GPALPP1: variants seen among roughly 807,000 people sequenced by gnomAD.
GPALPP1 encodes the protein GPALPP motifs-containing protein 1.
In GPALPP1, 30 loss-of-function variants were observed where a neutral mutation model predicts 38.9. That is an observed-to-expected ratio of 0.77 (90% CI 0.58 to 1.05). GPALPP1 has a LOEUF of 1.05. Ranked by LOEUF, GPALPP1 falls within the 50% of genes least tolerant of loss-of-function variation. GPALPP1 has a pLI of 0.00. For missense variants in GPALPP1, 384 were observed against 408.8 expected, an observed-to-expected ratio of 0.94 and a Z score of 0.52; for synonymous variants, 120 against 139.2, an observed-to-expected ratio of 0.86 and a Z score of 0.97.
intron 3 of GPALPP1, among the ~76,000 whole-genome samples, chr13:45,007,080 A>G (rs1281085081): frequency 6.6e-6 from 1 of 152,048 alleles, no homozygotes; most frequent in African/African-American, 2.4e-5. Flanking sequence ...TCAGATATAC[A>G]GGGATAGGCA....
At chr13:45,006,931 T>C (rs1406631681) in intron 3 of GPALPP1, among the ~76,000 whole-genome samples, 1 of 151,964 alleles carries the variant, frequency 6.6e-6, no homozygotes, top group Non-Finnish European at 1.5e-5. Flanking sequence ...ATGCCAAATA[T>C]AAGATCGCAC....
chr13:45,004,994 T>C (rs181233032), intron 2 of GPALPP1: 52 of 151,570 alleles, frequency 3.4e-4, no homozygotes, highest in African/African-American at 1.1e-3. Flanking sequence ...TAAGATGTCA[T>C]TGAAGTGCCA....
intron 4 of GPALPP1, among the ~76,000 whole-genome samples, chr13:45,010,565 T>C (rs773089360): frequency 3.9e-5 from 6 of 152,224 alleles, no homozygotes; most frequent in Non-Finnish European, 7.3e-5. Flanking sequence ...ACACAGTGCC[T>C]GCCCTCATCA....
At chr13:45,019,058 TATACATATAA>T (rs1566082084) in intron 6 of GPALPP1, among the ~76,000 whole-genome samples, 3 of 26,058 alleles carry the variant, frequency 1.2e-4, no homozygotes, top group Non-Finnish European at 3.6e-4. Context: ...AATATAAATA[TATACATATAA>T]ATATATACAT....
intron 1 of GPALPP1, among the ~76,000 whole-genome samples, chr13:44,994,702 T>G (rs184026149): frequency 6.6e-6 from 1 of 152,216 alleles, no homozygotes; most frequent in Non-Finnish European, 1.5e-5. Flanking sequence ...AGTCACACAG[T>G]TTTCCAAAAT....
rs1875325206 is a variant in GPALPP1, at chr13:45,020,358, G to T, written c.734G>T (p.Ser245Ile). Residue 245 changes from serine to isoleucine, a missense_variant, in exon 7 of 8, where the codon AGT becomes ATT. By Grantham distance (142) the Ser-to-Ile change is moderately radical. Transcript: ENST00000379151. Reference protein sequence around the residue: ...KETQEARKSSSKKDEEHILSG... With the variant: ...KETQEARKSSIKKDEEHILSG... ...ACACAAGAAGCAAGGAAGTCATCCA[G>T]TAAGAAAGATGAAGAACATATATTA... 6.6e-7 allele frequency: 1 copy of T among 1,521,592 alleles called. No individual in the cohort carries two copies. Among genetic ancestry groups the T allele is most frequent in the Non-Finnish European group, 9.1e-7 (1 of 1,097,026 alleles). 94.3% of individuals were successfully genotyped at this position (1,521,592 alleles called of 1,614,324 possible). A position where few individuals can be genotyped will look rare whatever the true frequency, so the allele number is the denominator to read the frequency against.
chr13:45,020,403 T>C lies in GPALPP1; in HGVS notation c.779T>C (p.Leu260Pro). ...ATATTATCAGGAAGAGATAAGAGAC[T>C]GGCTGAGCAGGTATCTTCATACAAT... Reference protein sequence around the residue: ...EHILSGRDKRLAEQVSSYNES... With the variant: ...EHILSGRDKRPAEQVSSYNES... The change falls in exon 7 of 8, where the codon CTG (leucine) becomes CCG (proline). Residue 260 changes from leucine (L) to proline (P), a missense_variant. Physicochemically the swap from Leu to Pro is moderately conservative, Grantham distance 98. Coordinates refer to ENST00000379151, the MANE Select transcript of GPALPP1 (RefSeq NM_018559.5). 3.4e-6 allele frequency: 5 copies of C among 1,456,706 alleles called. No individual in the cohort carries two copies. Among genetic ancestry groups the C allele is most frequent in the Non-Finnish European group, 3.9e-6 (4 of 1,037,340 alleles). 90.2% of individuals were successfully genotyped at this position (1,456,706 alleles called of 1,614,324 possible).
At chr13:45,021,782 G>A (rs187837508) in intron 7 of GPALPP1, among the ~76,000 whole-genome samples, 7 of 152,224 alleles carry the variant, frequency 4.6e-5, no homozygotes, top group Non-Finnish European at 8.8e-5. Context: ...CATATGAAGC[G>A]GTATTTAGAG....
intron 1 of GPALPP1, among the ~76,000 whole-genome samples, chr13:44,995,202 A>ACACACACACACACACACACC (rs755761092): frequency 7.0e-4 from 38 of 54,560 alleles, no homozygotes; most frequent in East Asian, 2.2e-3. Context: ...ACACACACAC[A>ACACACACACACACACACACC]CCCCTTCTCT....
At chr13:45,020,199 G>A in intron 6 of GPALPP1, 131 bp from the exon 7 acceptor site, 1 of 517,828 alleles carries the variant, frequency 1.9e-6, no homozygotes, top group South Asian at 2.4e-5. Context: ...TAATATTTCT[G>A]ATCAGAAGGG....
chr13:45,026,613 T>A (rs531505852), intron 7 of GPALPP1, among the ~76,000 whole-genome samples: 1 of 152,340 alleles, frequency 6.6e-6, no homozygotes, highest in Admixed American at 6.5e-5. Flanking sequence ...AGTACATTCT[T>A]TGGCAGTAGG....
chr13:45,013,164 C>T (rs991401144), intron 4 of GPALPP1, among the ~76,000 whole-genome samples: 6 of 152,186 alleles, frequency 3.9e-5, no homozygotes, highest in African/African-American at 9.7e-5. Flanking sequence ...TTAATTCCTT[C>T]GCCTCGTGAT....
intron 1 of GPALPP1, among the ~76,000 whole-genome samples, chr13:44,997,348 A>G (rs555510311): frequency 6.6e-6 from 1 of 152,282 alleles, no homozygotes; most frequent in East Asian, 1.9e-4. Flanking sequence ...TGACTGCTGG[A>G]AAATGTCCCC....
At chr13:45,013,055 G>A (rs955373701) in intron 4 of GPALPP1, among the ~76,000 whole-genome samples, 13 of 152,088 alleles carry the variant, frequency 8.5e-5, no homozygotes, top group African/African-American at 3.1e-4. Context: ...TAGCAAATGG[G>A]TTAATTTACT....
intron 6 of GPALPP1, among the ~76,000 whole-genome samples, chr13:45,018,939 A>G (rs1398062539): frequency 1.5e-5 from 2 of 136,304 alleles, no homozygotes; most frequent in Admixed American, 7.3e-5. Context: ...AAATATATAC[A>G]TATAAATATA....
Position 45,014,934 on chromosome 13 carries a change from A to G in GPALPP1, c.409-18A>G. On this transcript the variant is annotated intron_variant, in intron 4 of 7. Transcript: ENST00000379151. ...GTAGCTCTGCTCTTGGTTTAAAGGT[A>G]ATGTCTTGTTTTAAAAGGAAACAGA... 1 of 1,561,210 alleles carries G rather than the reference A, an allele frequency of 6.4e-7. No homozygotes were observed. Among genetic ancestry groups the G allele is most frequent in the Non-Finnish European group, 8.7e-7 (1 of 1,154,086 alleles).
intron 6 of GPALPP1, among the ~76,000 whole-genome samples, chr13:45,019,799 T>A (rs1272267554): frequency 6.7e-6 from 1 of 149,222 alleles, no homozygotes; most frequent in Non-Finnish European, 1.5e-5. Context: ...TTGAGTGGAG[T>A]GGGTTTTTTT....
At chr13:44,989,798 G>T in intron 1 of GPALPP1, 56 bp downstream of exon 1, 4 of 1,354,842 alleles carry the variant, frequency 3.0e-6, no homozygotes, top group Non-Finnish European at 3.1e-6. Context: ...CCCTGGCCGG[G>T]CCCTGCTCGC....
intron 1 of GPALPP1, among the ~76,000 whole-genome samples, chr13:44,995,202 A>ACG (rs755761092): frequency 1.8e-5 from 1 of 54,474 alleles, no homozygotes; most frequent in African/African-American, 3.7e-5. Flanking sequence ...ACACACACAC[A>ACG]CCCCTTCTCT....
Sources: gnomAD v4.1 joint callset for allele counts (sites outside exome capture counted in the v4.1 genomes callset) on GRCh38, gnomAD v4.1.1 for gene constraint, MANE v1.5 for transcripts, NCBI Gene and HGNC (gene_info 2026-07-23, HGNC 2026-07-21) for gene names.